ARL6IP6: variants seen among roughly 807,000 people sequenced by gnomAD.
ARL6IP6 encodes ADP-ribosylation factor-like protein 6-interacting protein 6.
A neutral mutation model predicts 21.5 loss-of-function variants in ARL6IP6; 22 were observed. The ratio of observed to expected loss-of-function variants is 1.02; its 90% CI spans 0.73 to 1.46. ARL6IP6 has a LOEUF of 1.46. ARL6IP6 is among the 40% of genes most tolerant of loss of function. The pLI is 0.00. For missense variants in ARL6IP6, 388 were observed against 299.8 expected (o/e 1.29, Z -2.17); for synonymous variants, 164 against 125.3 (o/e 1.31, Z -2.06).
chr2:152,761,653 T>C lies in ARL6IP6; in HGVS notation c.*1813T>C, dbSNP rs950013556. 6.6e-6 allele frequency among the ~76,000 whole-genome samples: 1 copy of C among 152,240 alleles called. No homozygotes were observed. The highest frequency in any genetic ancestry group is 1.9e-4 in the East Asian group (1 of 5,200). On this transcript the variant is annotated 3_prime_UTR_variant, in exon 4 of 4. Transcript: ENST00000326446. Reference sequence around the variant, plus strand: ...GATTATACTGCTGCATTTTTTACTTTATTTTTTCTCTGTTTAGATACACAA... The same window carrying C: ...GATTATACTGCTGCATTTTTTACTTCATTTTTTCTCTGTTTAGATACACAA...
In ARL6IP6 at chr2:152,721,042, C is replaced by G. The variant is rs1699765740; in HGVS notation, c.454+456C>G. ...TGGGAAGTTCAAGGCTGCAGTGAAC[C>G]GTGATAGTTACACTGCACTCCAGCC... On this transcript the variant is annotated intron_variant, in intron 2 of 3. Coordinates refer to ENST00000326446, the MANE Select transcript of ARL6IP6 (RefSeq NM_152522.7). 1.3e-5 allele frequency among the ~76,000 whole-genome samples: 2 copies of G among 152,138 alleles called. 1 individual carries two copies. The highest frequency in any genetic ancestry group is 6.8e-3 in the Middle Eastern group (2 of 294).
At chr2:152,728,385 GT>G (rs946408799) in intron 2 of ARL6IP6, among the ~76,000 whole-genome samples, 16 of 152,102 alleles carry the variant, frequency 1.1e-4, no homozygotes, top group Admixed American at 1.0e-3. Flanking sequence ...TGAGAGTTTT[GT>G]TTTTTTCTGG....
chr2:152,730,346 G>A (rs552914920), intron 2 of ARL6IP6, among the ~76,000 whole-genome samples: 9 of 152,122 alleles, frequency 5.9e-5, no homozygotes, highest in Admixed American at 1.3e-4. Context: ...AAGTTTCATC[G>A]TTCTATAGCA....
Position 152,720,551 on chromosome 2 carries a change from T to A in ARL6IP6, c.419T>A (p.Leu140Ter). The change falls in exon 2 of 4, where the codon TTG (leucine) becomes TAG (stop). Residue 140 changes from leucine (L) to a stop codon, truncating the protein, a stop_gained. Transcript: ENST00000326446. LOFTEE classifies it high-confidence loss of function. ...TTTGCAGAGTTGCATGCTGAGAATT[T>A]GAAAAATGAAGATGATGTAGACACT... ...LIVKELHAEN[L>*]KNEDDVDTGL... 2 of 1,614,104 alleles carry A rather than the reference T, an allele frequency of 1.2e-6. No homozygotes were observed. The highest frequency in any genetic ancestry group is 1.7e-6 in the Non-Finnish European group (2 of 1,179,958).
chr2:152,722,847 G>A (rs2105089607), intron 2 of ARL6IP6, among the ~76,000 whole-genome samples: 1 of 152,332 alleles, frequency 6.6e-6, no homozygotes, highest in Admixed American at 6.5e-5. Context: ...GGTGGAGGTT[G>A]CAGTGAGCCA....
At position 152,718,827 on chromosome 2, in the gene ARL6IP6, G is replaced by T. The variant is rs1476219593; in HGVS notation, c.203G>T (p.Arg68Ile). Residue 68 changes from arginine (R) to isoleucine (I), a missense_variant, in exon 1 of 4, where the codon AGA becomes ATA. Physicochemically the swap from Arg to Ile is moderately conservative, Grantham distance 97. Coordinates refer to ENST00000326446, the MANE Select transcript of ARL6IP6 (RefSeq NM_152522.7). ...TCGGCTGGGGCGTGGTCAGAGCCCAGAAAGCGCTCGGTGCTCCCGCCGGAC... is the reference window on the plus strand; with the variant it reads ...TCGGCTGGGGCGTGGTCAGAGCCCATAAAGCGCTCGGTGCTCCCGCCGGAC... The part of the protein sequence containing the change: ...EFSAGAWSEP[R>I]KRSVLPPDGN... The T allele has an allele frequency of 6.2e-7, 1 of 1,610,398 alleles. No individual in the cohort carries two copies. The highest frequency in any genetic ancestry group is 8.5e-7 in the Non-Finnish European group (1 of 1,178,078).
chr2:152,722,031 T>C (rs1347074287), intron 2 of ARL6IP6, among the ~76,000 whole-genome samples: 1 of 152,238 alleles, frequency 6.6e-6, no homozygotes, highest in Non-Finnish European at 1.5e-5. Context: ...CAGAATCTTA[T>C]GAATTAGGCA....
At chr2:152,758,202 A>G (rs1701673888) in intron 3 of ARL6IP6, among the ~76,000 whole-genome samples, 1 of 152,144 alleles carries the variant, frequency 6.6e-6, no homozygotes, top group South Asian at 2.1e-4. Context: ...TATTTATAAT[A>G]TTATACCTAA....
chr2:152,743,596 C>T (rs1297359731), intron 3 of ARL6IP6, among the ~76,000 whole-genome samples: 1 of 152,026 alleles, frequency 6.6e-6, no homozygotes, highest in Non-Finnish European at 1.5e-5. Flanking sequence ...TAGCTGAAAT[C>T]ATTGTGAAGG....
intron 2 of ARL6IP6, among the ~76,000 whole-genome samples, chr2:152,730,884 T>A (rs1700277955): frequency 6.6e-6 from 1 of 152,196 alleles, no homozygotes; most frequent in Admixed American, 6.5e-5. Context: ...CTTTTCTAGA[T>A]GCTTTTGTCA....
At chr2:152,721,840 T>C (rs143642011) in intron 2 of ARL6IP6, among the ~76,000 whole-genome samples, 1 of 152,368 alleles carries the variant, frequency 6.6e-6, no homozygotes, top group East Asian at 1.9e-4. Flanking sequence ...GAAGTTGGTT[T>C]CTTAGATATT....
intron 3 of ARL6IP6, among the ~76,000 whole-genome samples, chr2:152,748,641 TG>T (rs1701171398): frequency 6.6e-6 from 1 of 152,226 alleles, no homozygotes; most frequent in South Asian, 2.1e-4. Flanking sequence ...GGTCTTAAGA[TG>T]GGCCTTTAAC....
At chr2:152,721,367 G>A (rs1459458522) in intron 2 of ARL6IP6, among the ~76,000 whole-genome samples, 1 of 149,550 alleles carries the variant, frequency 6.7e-6, no homozygotes, top group Non-Finnish European at 1.5e-5. Context: ...TTTTTTTAAA[G>A]CATTGACCAT....
chr2:152,729,737 A>T (rs752979084), intron 2 of ARL6IP6, among the ~76,000 whole-genome samples: 1 of 152,204 alleles, frequency 6.6e-6, no homozygotes, highest in African/African-American at 2.4e-5. Flanking sequence ...CTAGCTTTAT[A>T]TATGTACCTG....
At chr2:152,728,258 A>G (rs968876096) in intron 2 of ARL6IP6, among the ~76,000 whole-genome samples, 2 of 152,216 alleles carry the variant, frequency 1.3e-5, no homozygotes, top group African/African-American at 4.8e-5. Flanking sequence ...GGACTTGGAA[A>G]TTACTAGTAT....
intron 3 of ARL6IP6, among the ~76,000 whole-genome samples, chr2:152,737,914 C>T (rs1700625062): frequency 6.6e-6 from 1 of 152,166 alleles, no homozygotes; most frequent in Non-Finnish European, 1.5e-5. Flanking sequence ...CCCCAAATTT[C>T]AGCATTAACT....
intron 3 of ARL6IP6, among the ~76,000 whole-genome samples, chr2:152,752,727 G>A (rs1559243363): frequency 6.6e-6 from 1 of 152,164 alleles, no homozygotes; most frequent in African/African-American, 2.4e-5. Context: ...CAGGATGTTT[G>A]CCCTTTCCAT....
At chr2:152,726,539 C>T (rs10497115) in intron 2 of ARL6IP6, among the ~76,000 whole-genome samples, 8,160 of 152,212 alleles carry the variant, frequency 0.054, 546 homozygotes, top group African/African-American at 0.15. Context: ...AATGGTCATC[C>T]TCTCAAGTTA....
chr2:152,720,510 T>G, intron 1 of ARL6IP6, 23 bp from the exon 2 acceptor site: 1 of 1,609,492 alleles, frequency 6.2e-7, no homozygotes. Flanking sequence ...CTTTCCTACC[T>G]AAGTCCCTCT....
Sources: allele counts gnomAD v4.1 joint callset (sites outside exome capture counted in the v4.1 genomes callset), GRCh38; gene constraint gnomAD v4.1.1; transcripts MANE v1.5; gene names NCBI Gene and HGNC (gene_info 2026-07-23, HGNC 2026-07-21).